IBTK: variants seen among roughly 807,000 people sequenced by gnomAD.
IBTK encodes inhibitor of Bruton tyrosine kinase.
IBTK carries 83 observed loss-of-function variants against 154.9 expected under a neutral mutation model. The observed-to-expected ratio is 0.54, with a 90% CI of 0.45 to 0.64. The LOEUF (loss-of-function observed/expected upper bound fraction) is 0.64, where lower values mean the gene tolerates loss of function less well. Among genes scored for constraint, IBTK ranks in the 30% least tolerant of loss-of-function variants. IBTK has a pLI of 0.00. For synonymous variants in IBTK, 515 were observed against 536.1 expected, an observed-to-expected ratio of 0.96 and a Z score of 0.54; for missense variants, 1,332 against 1,584.6, an observed-to-expected ratio of 0.84 and a Z score of 2.71.
chr6:82,227,065 A>T (rs1770325183), intron 5 of IBTK, 127 bp downstream of exon 5: 3 of 555,076 alleles, frequency 5.4e-6, no homozygotes, highest in Non-Finnish European at 6.3e-6. Context: ...CAGATTTTTT[A>T]AAATCTATTA....
intron 5 of IBTK, 49 bp downstream of exon 5, chr6:82,227,143 T>G (rs1212950414): frequency 8.0e-7 from 1 of 1,251,696 alleles, no homozygotes; most frequent in Non-Finnish European, 1.1e-6. Context: ...TTTCAGCTTA[T>G]CAGCATTTTT....
At chr6:82,193,267 C>T (rs531330963) in intron 23 of IBTK, among the ~76,000 whole-genome samples, 47 of 152,150 alleles carry the variant, frequency 3.1e-4, no homozygotes, top group Admixed American at 6.5e-4. Context: ...TTGCCTATTG[C>T]TATGCATTTT....
At position 82,214,644 on chromosome 6, in the gene IBTK, T is replaced by A. The variant is rs1769798580; in HGVS notation, c.1787A>T (p.Asp596Val). ...ATCTGTAAATTCTGAAGTATTACCA[T>A]CTGAAAGAAACAATTTCTGAAAAAA... Reference protein sequence around the residue: ...SDFFQKLFLSDGNTSEFTDIY... With the variant: ...SDFFQKLFLSVGNTSEFTDIY... Residue 596 changes from aspartate to valine, a missense_variant, in exon 12 of 29, where the codon GAT (aspartate) becomes GTT (valine). Asp to Val is a radical substitution (Grantham distance 152, BLOSUM62 -3). Transcript: ENST00000306270. 1 of 1,614,006 alleles carries A rather than the reference T, an allele frequency of 6.2e-7. No individual in the cohort carries two copies. The highest frequency in any genetic ancestry group is 1.1e-5 in the South Asian group (1 of 91,080).
chr6:82,236,071 G>C lies in IBTK; in HGVS notation c.322-1816C>G, dbSNP rs980619379. Among the ~76,000 whole-genome samples the C allele has an allele frequency of 2.0e-5, 3 of 152,028 alleles. No individual in the cohort carries two copies. The South Asian group carries it at 6.2e-4, about 32-fold the overall frequency. ...GTATTTTTAGTAGAGATGAGGTTTT[G>C]CCATGTTGCCCAGGCTGGTTTCGAA... On this transcript the variant is annotated intron_variant, in intron 2 of 28. Transcript: ENST00000306270.
At chr6:82,202,406 T>C (rs1769242459) in intron 18 of IBTK, 122 bp downstream of exon 18, 1 of 678,426 alleles carries the variant, frequency 1.5e-6, no homozygotes, top group East Asian at 2.9e-5. Flanking sequence ...ATCATCAGCA[T>C]TGATCAAATT....
chr6:82,195,932 T>C (rs1002869771), intron 22 of IBTK, among the ~76,000 whole-genome samples: 1 of 152,200 alleles, frequency 6.6e-6, no homozygotes, highest in Non-Finnish European at 1.5e-5. Context: ...TAGGCTTATT[T>C]TCGAAATCAT....
rs1320321809 is a variant in IBTK, at chr6:82,175,520, TTTC to T, written c.3726-2085_3726-2083del. On this transcript the variant is annotated intron_variant, in intron 26 of 28. Coordinates refer to ENST00000306270, the MANE Select transcript of IBTK (RefSeq NM_015525.4). ...TTATCCAATGTGGAGTCTGTCAAAA[TTTC>T]TTCTTAAAATGAACCAAATTTGTCA... is the stretch of plus-strand genomic sequence containing the variant. 3.3e-5 allele frequency among the ~76,000 whole-genome samples: 5 copies of T among 152,350 alleles called. No individual in the cohort carries two copies. The East Asian group carries it at 9.6e-4, about 29-fold the overall frequency.
At position 82,218,105 on chromosome 6, in the gene IBTK, C is replaced by T; in HGVS notation, c.1281G>A (p.Leu427=). The change falls in exon 10 of 29, where the codon CTG becomes CTA. Residue 427 remains leucine (L), a synonymous_variant. Coordinates refer to ENST00000306270, the MANE Select transcript of IBTK (RefSeq NM_015525.4). ...VFCWRSVNSS[L]KQCRWAYPRQ... ...GTGGATAGGCCCATCGACACTGCTT[C>T]AGAGAACTGTTGACTGATCTCCAGC... 6.3e-7 allele frequency: 1 copy of T among 1,589,832 alleles called. No homozygotes were observed. Among genetic ancestry groups the T allele is most frequent in the Non-Finnish European group, 8.5e-7 (1 of 1,170,416 alleles).
At chr6:82,233,892 C>T (rs1452761428) in intron 3 of IBTK, among the ~76,000 whole-genome samples, 1 of 151,754 alleles carries the variant, frequency 6.6e-6, no homozygotes, top group African/African-American at 2.4e-5. Context: ...TGCTACCATG[C>T]CCGGCTAACT....
intron 25 of IBTK, among the ~76,000 whole-genome samples, chr6:82,184,822 TGAA>T (rs1768478492): frequency 6.6e-6 from 1 of 152,178 alleles, no homozygotes; most frequent in Admixed American, 6.5e-5. Context: ...AAAAATCTTT[TGAA>T]GAAGTAAAAT....
chr6:82,200,047 A>G lies in IBTK; in HGVS notation c.3025+94T>C. The stretch of plus-strand genomic sequence containing the variant: ...AAACTATCACTTTTGGTACCTCCAT[A>G]AGGACTGTTTATTTCAGTAGCCCCA... On this transcript the variant is annotated intron_variant, in intron 21 of 28. Coordinates refer to ENST00000306270, the MANE Select transcript of IBTK (RefSeq NM_015525.4). 1.4e-5 allele frequency: 11 copies of G among 802,766 alleles called. No homozygotes were observed. The South Asian group carries it at 1.9e-4, about 14-fold the overall frequency. 49.7% of individuals were successfully genotyped at this position (802,766 alleles called of 1,614,324 possible). A position where few individuals can be genotyped will look rare whatever the true frequency, so the allele number is the denominator to read the frequency against.
intron 2 of IBTK, among the ~76,000 whole-genome samples, chr6:82,235,374 G>A (rs985796754): frequency 2.0e-5 from 3 of 151,900 alleles, no homozygotes; most frequent in Admixed American, 6.6e-5. Flanking sequence ...TGGATGAATC[G>A]CCTGAGGTCA....
At chr6:82,220,461 G>C (rs1489531148) in intron 9 of IBTK, 129 bp downstream of exon 9, 1 of 853,232 alleles carries the variant, frequency 1.2e-6, no homozygotes, top group Non-Finnish European at 1.7e-6. Context: ...TACTTATTTT[G>C]GCACCCAATA....
intron 25 of IBTK, among the ~76,000 whole-genome samples, chr6:82,186,041 C>T (rs533888768): frequency 8.5e-5 from 13 of 152,186 alleles, no homozygotes; most frequent in African/African-American, 2.2e-4. Flanking sequence ...ATATCTGTTA[C>T]GGTGATCTTG....
chr6:82,220,347 TAC>T (rs1340024380), intron 9 of IBTK, among the ~76,000 whole-genome samples: 6 of 152,226 alleles, frequency 3.9e-5, no homozygotes, highest in Admixed American at 3.9e-4. Flanking sequence ...AATTTTTGAT[TAC>T]AGTTTAACAA....
At chr6:82,188,985 G>A (rs375399506) in intron 25 of IBTK, 32 of 421,790 alleles carry the variant, frequency 7.6e-5, no homozygotes, top group East Asian at 3.2e-4. Flanking sequence ...AACCAAGATC[G>A]CACCACTGCA....
chr6:82,183,545 G>A (rs6906949), intron 25 of IBTK, among the ~76,000 whole-genome samples: 111,039 of 152,122 alleles, frequency 0.73, 40,958 homozygotes, highest in East Asian at 0.96. Flanking sequence ...ATAACAGAAA[G>A]TCTATATAGA....
At chr6:82,215,598 C>T (rs1180200585) in intron 11 of IBTK, among the ~76,000 whole-genome samples, 1 of 151,818 alleles carries the variant, frequency 6.6e-6, no homozygotes, top group Non-Finnish European at 1.5e-5. Context: ...ACCAGCCTGG[C>T]CAACAGGGCA....
intron 26 of IBTK, among the ~76,000 whole-genome samples, chr6:82,174,468 G>A (rs577049043): frequency 4.6e-5 from 7 of 152,224 alleles, no homozygotes; most frequent in Non-Finnish European, 1.0e-4. Context: ...CGTACAATTA[G>A]AAAGAATTTT....
Sources: allele counts gnomAD v4.1 joint callset (sites outside exome capture counted in the v4.1 genomes callset), GRCh38; gene constraint gnomAD v4.1.1; transcripts MANE v1.5; gene names NCBI Gene and HGNC (gene_info 2026-07-23, HGNC 2026-07-21).